Variants in PPP1R9A observed in about 807,000 individuals in gnomAD.
PPP1R9A encodes the protein neurabin-1.
A neutral mutation model predicts 141.9 loss-of-function variants in PPP1R9A; 59 were observed. The ratio of observed to expected loss-of-function variants is 0.42; its 90% CI spans 0.34 to 0.52. PPP1R9A has a LOEUF of 0.52. Among genes scored for constraint, PPP1R9A ranks in the 20% least tolerant of loss-of-function variants. PPP1R9A has a pLI of 0.10. For synonymous variants in PPP1R9A, 500 were observed against 569.7 expected (o/e 0.88, Z 1.74); for missense variants, 1,444 against 1,611.9 (o/e 0.90, Z 1.78).
At chr7:94,986,469 T>G (rs1454950629) in intron 2 of PPP1R9A, among the ~76,000 whole-genome samples, 1 of 152,092 alleles carries the variant, frequency 6.6e-6, no homozygotes, top group Admixed American at 6.6e-5. Context: ...AGTAGAATTG[T>G]GGTTATTAGA....
intron 2 of PPP1R9A, among the ~76,000 whole-genome samples, chr7:94,967,762 G>T (rs2151190185): frequency 6.6e-6 from 1 of 152,176 alleles, no homozygotes; most frequent in East Asian, 1.9e-4. Context: ...TGATTGCACT[G>T]TGGTCTGGGA....
intron 2 of PPP1R9A, among the ~76,000 whole-genome samples, chr7:94,958,207 A>C (rs970262043): frequency 6.6e-6 from 1 of 152,066 alleles, no homozygotes; most frequent in African/African-American, 2.4e-5. Context: ...GTGTATGGAT[A>C]GTTTCTCACC....
chr7:95,161,851 T>C lies in PPP1R9A; in HGVS notation c.1650-16T>C. 6.4e-7 allele frequency: 1 copy of C among 1,552,390 alleles called. No homozygotes were observed. The highest frequency in any genetic ancestry group is 8.8e-7 in the Non-Finnish European group (1 of 1,138,282). On this transcript the variant is annotated splice_polypyrimidine_tract_variant and intron_variant, in intron 4 of 19. Transcript: ENST00000433360. ...TTTATGTAATTTATGTGGGTAATTTTTTCCTCTTTCTAAAGAATACAAGTC... is the reference window on the plus strand; with the variant it reads ...TTTATGTAATTTATGTGGGTAATTTCTTCCTCTTTCTAAAGAATACAAGTC...
chr7:94,993,308 T>TTAA (rs1320239150), intron 2 of PPP1R9A, among the ~76,000 whole-genome samples: 2 of 152,180 alleles, frequency 1.3e-5, no homozygotes, highest in Non-Finnish European at 2.9e-5. Flanking sequence ...TTATGGTAGC[T>TTAA]TAATAATAAT....
intron 2 of PPP1R9A, among the ~76,000 whole-genome samples, chr7:95,006,857 A>G (rs1179507003): frequency 6.6e-6 from 1 of 151,342 alleles, no homozygotes; most frequent in Non-Finnish European, 1.5e-5. Context: ...TTGAATGGCC[A>G]TAATAATTTT....
chr7:95,093,146 G>A (rs537325984), intron 2 of PPP1R9A, among the ~76,000 whole-genome samples: 1 of 152,198 alleles, frequency 6.6e-6, no homozygotes, highest in South Asian at 2.1e-4. Flanking sequence ...TGGCTCGGGA[G>A]AGGACAGGCA....
rs1376653562 is a variant in PPP1R9A at position 95,091,759 on chromosome 7, G to A, written c.1396-19500G>A. Reference sequence around the variant, plus strand: ...ATGGCCCTTTGCAGTTGTGGGGGCAGGGCATGTGTTGTTTATTCTATGTAG... The same window carrying A: ...ATGGCCCTTTGCAGTTGTGGGGGCAAGGCATGTGTTGTTTATTCTATGTAG... On this transcript the variant is annotated intron_variant, in intron 2 of 19. Coordinates refer to ENST00000433360, the MANE Select transcript of PPP1R9A (RefSeq NM_001166160.2). 1.3e-5 allele frequency among the ~76,000 whole-genome samples: 2 copies of A among 151,376 alleles called. 1 individual carries two copies. Among genetic ancestry groups the A allele is most frequent in the African/African-American group, 4.9e-5 (2 of 41,072 alleles).
chr7:95,264,915 C>A (rs1801031823), intron 12 of PPP1R9A, among the ~76,000 whole-genome samples: 1 of 152,118 alleles, frequency 6.6e-6, no homozygotes, highest in East Asian at 1.9e-4. Context: ...CTTATGAAAG[C>A]AGTGTAATAT....
intron 3 of PPP1R9A, among the ~76,000 whole-genome samples, chr7:95,111,682 C>T (rs1820598146): frequency 6.6e-6 from 1 of 152,122 alleles, no homozygotes; most frequent in Non-Finnish European, 1.5e-5. Context: ...AGGGCTGCTA[C>T]AGCTGAGAGC....
chr7:95,134,661 C>T (rs949261525), intron 4 of PPP1R9A, among the ~76,000 whole-genome samples: 1 of 152,104 alleles, frequency 6.6e-6, no homozygotes, highest in African/African-American at 2.4e-5. Context: ...TCTCAAACTC[C>T]CGACCTCAGG....
At position 95,295,122 on chromosome 7, in the gene PPP1R9A, C is replaced by T. The variant is rs1337539824; in HGVS notation, c.*4819C>T. ...GAATATCACTCCCACCTTACACACG[C>T]ACACACACTGCAATCACATGGCATT... On this transcript the variant is annotated 3_prime_UTR_variant, in exon 20 of 20. Coordinates refer to ENST00000433360, the MANE Select transcript of PPP1R9A (RefSeq NM_001166160.2). The T allele has an allele frequency of 6.6e-6, 1 of 152,598 alleles. No homozygotes were observed. Among genetic ancestry groups the T allele is most frequent in the Non-Finnish European group, 1.5e-5 (1 of 68,040 alleles). The allele number at this position is 152,598 out of a possible 1,614,324, so 9.5% of individuals were successfully genotyped here. A position where few individuals can be genotyped will look rare whatever the true frequency, so the allele number is the denominator to read the frequency against.
At chr7:95,184,004 T>A (rs1321373258) in intron 5 of PPP1R9A, among the ~76,000 whole-genome samples, 1 of 152,140 alleles carries the variant, frequency 6.6e-6, no homozygotes, top group Non-Finnish European at 1.5e-5. Context: ...TGTAGTAAGG[T>A]ATATTAATCT....
intron 2 of PPP1R9A, among the ~76,000 whole-genome samples, chr7:95,061,181 G>T (rs923869644): frequency 6.6e-6 from 1 of 152,156 alleles, no homozygotes; most frequent in East Asian, 1.9e-4. Context: ...AAACACCTGG[G>T]ATTTTCTGAA....
chr7:94,935,165 T>C lies in PPP1R9A; in HGVS notation c.1395+23657T>C, dbSNP rs17166540. ...ACATTGTGTTTTCATACATTGTCTATGGAGAGTCATTTTCACTGCCTGAAA... is the reference window on the plus strand; with the variant it reads ...ACATTGTGTTTTCATACATTGTCTACGGAGAGTCATTTTCACTGCCTGAAA... On this transcript the variant is annotated intron_variant, in intron 2 of 19. Coordinates refer to ENST00000433360, the MANE Select transcript of PPP1R9A (RefSeq NM_001166160.2). 3.7e-3 allele frequency among the ~76,000 whole-genome samples: 567 copies of C among 152,334 alleles called. 21 individuals are homozygous for C. Among genetic ancestry groups the C allele is most frequent in the East Asian group, 0.032 (165 of 5,178 alleles).
At chr7:95,189,844 T>C (rs1234159066) in intron 5 of PPP1R9A, among the ~76,000 whole-genome samples, 2 of 152,218 alleles carry the variant, frequency 1.3e-5, no homozygotes, top group Non-Finnish European at 2.9e-5. Flanking sequence ...ATTGTCGAAA[T>C]TTTCCAGTGC....
intron 2 of PPP1R9A, among the ~76,000 whole-genome samples, chr7:95,012,816 G>T (rs1804612817): frequency 6.6e-6 from 1 of 152,202 alleles, no homozygotes; most frequent in African/African-American, 2.4e-5. Flanking sequence ...AATATGTAAT[G>T]ATGTGAAAAG....
chr7:95,127,251 T>A (rs565496822), intron 4 of PPP1R9A, among the ~76,000 whole-genome samples: 30 of 152,204 alleles, frequency 2.0e-4, no homozygotes, highest in Admixed American at 1.7e-3. Context: ...GAGAAAAAAA[T>A]TTAAATGGAC....
chr7:95,041,901 A>G (rs150609591), intron 2 of PPP1R9A, among the ~76,000 whole-genome samples: 1 of 152,280 alleles, frequency 6.6e-6, no homozygotes, highest in East Asian at 1.9e-4. Flanking sequence ...TTTGCACACT[A>G]GGTGGTGCAA....
chr7:95,188,600 GT>G (rs150725765), intron 5 of PPP1R9A, among the ~76,000 whole-genome samples: 74,842 of 133,216 alleles, frequency 0.56, 20,099 homozygotes, highest in African/African-American at 0.65. Flanking sequence ...GTTGTGTTTT[GT>G]TTTTTTTTTT....
Sources: gnomAD v4.1 joint callset for allele counts (sites outside exome capture counted in the v4.1 genomes callset) on GRCh38, gnomAD v4.1.1 for gene constraint, MANE v1.5 for transcripts, NCBI Gene and HGNC (gene_info 2026-07-23, HGNC 2026-07-21) for gene names.